VTI1A: variants seen among roughly 807,000 people sequenced by gnomAD.
VTI1A encodes vesicle transport through interaction with t-SNAREs 1A.
In VTI1A, 22 loss-of-function variants were observed where a neutral mutation model predicts 34.9. The ratio of observed to expected loss-of-function variants is 0.63; its 90% CI spans 0.45 to 0.90. The LOEUF (loss-of-function observed/expected upper bound fraction) is 0.90. Among genes scored for constraint, VTI1A ranks in the 40% least tolerant of loss-of-function variants. The pLI is 0.00. For synonymous variants in VTI1A, 87 were observed against 97.3 expected (o/e 0.89, Z 0.62); for missense variants, 268 against 275.6 (o/e 0.97, Z 0.20).
intron 5 of VTI1A, among the ~76,000 whole-genome samples, chr10:112,632,963 A>G (rs924299538): frequency 6.6e-6 from 1 of 152,230 alleles, no homozygotes; most frequent in South Asian, 2.1e-4. Context: ...TCCTGTATTT[A>G]TATTACAGCT....
chr10:112,737,066 TTTTTTC>T, intron 7 of VTI1A: 1 of 416,534 alleles, frequency 2.4e-6, no homozygotes, highest in Non-Finnish European at 4.3e-6. Flanking sequence ...TTTTTTCTTT[TTTTTTC>T]TTTTTCTTTT....
At chr10:112,720,744 C>T (rs1345177743) in intron 7 of VTI1A, among the ~76,000 whole-genome samples, 1 of 152,092 alleles carries the variant, frequency 6.6e-6, no homozygotes, top group Non-Finnish European at 1.5e-5. Flanking sequence ...GTTAGCGATA[C>T]GGATATTAGT....
intron 5 of VTI1A, among the ~76,000 whole-genome samples, chr10:112,661,136 A>G (rs1367315027): frequency 3.9e-5 from 6 of 151,972 alleles, no homozygotes; most frequent in Non-Finnish European, 5.9e-5. Flanking sequence ...ATGTGCCACC[A>G]CACACGGCTA....
rs112411523 is a variant in VTI1A, at chr10:112,577,655, A to G, written c.427+39325A>G. On this transcript the variant is annotated intron_variant, in intron 5 of 7. Coordinates refer to ENST00000393077, the MANE Select transcript of VTI1A (RefSeq NM_145206.4). ...TCTAATATGTTCTTATTAAAGGCAT[A>G]TGAATGACAGGGTGATATGATGAGG... Among the ~76,000 whole-genome samples the G allele has an allele frequency of 5.1e-4, 77 of 152,386 alleles. 1 individual carries two copies. Among genetic ancestry groups the G allele is most frequent in the African/African-American group, 1.7e-3 (72 of 41,596 alleles).
intron 1 of VTI1A, among the ~76,000 whole-genome samples, chr10:112,453,203 C>T (rs1847305272): frequency 6.6e-6 from 1 of 152,128 alleles, no homozygotes; most frequent in Non-Finnish European, 1.5e-5. Flanking sequence ...AGGAGGACCA[C>T]AGAAGTAAAG....
chr10:112,592,163 A>G (rs7090232), intron 5 of VTI1A, among the ~76,000 whole-genome samples: 3,166 of 152,330 alleles, frequency 0.021, 123 homozygotes, highest in African/African-American at 0.073. Flanking sequence ...GGAAATGGAT[A>G]CATCCCCACA....
At chr10:112,830,847 ATATTTT>A in the VTI1A span, among the ~76,000 whole-genome samples, 1 of 31,002 alleles carries the variant, frequency 3.2e-5, no homozygotes, top group African/African-American at 1.8e-4. Flanking sequence ...ATATATATAT[ATATTTT>A]TTTTTTTTTT....
At chr10:112,489,962 G>T (rs926911571) in intron 3 of VTI1A, among the ~76,000 whole-genome samples, 1 of 152,142 alleles carries the variant, frequency 6.6e-6, no homozygotes, top group East Asian at 1.9e-4. Context: ...TTGAGCTGTT[G>T]CTGAGCCACC....
At chr10:112,694,537 C>T (rs1008109806) in intron 7 of VTI1A, among the ~76,000 whole-genome samples, 1 of 151,932 alleles carries the variant, frequency 6.6e-6, no homozygotes, top group African/African-American at 2.4e-5. Context: ...ACTCTAATGT[C>T]TGGAAGCATG....
intron 7 of VTI1A, among the ~76,000 whole-genome samples, chr10:112,814,017 C>T (rs1026851369): frequency 2.0e-5 from 3 of 152,176 alleles, no homozygotes; most frequent in African/African-American, 7.2e-5. Context: ...TTCCATTCAA[C>T]CGTTTAGGTT....
At chr10:112,710,509 G>A (rs1181840295) in intron 7 of VTI1A, among the ~76,000 whole-genome samples, 1 of 152,142 alleles carries the variant, frequency 6.6e-6, no homozygotes, top group East Asian at 1.9e-4. Context: ...GCCCGGCTCA[G>A]TTAATGTCTC....
chr10:112,781,094 A>G (rs1232350309), intron 7 of VTI1A, among the ~76,000 whole-genome samples: 2 of 151,974 alleles, frequency 1.3e-5, no homozygotes, highest in Non-Finnish European at 2.9e-5. Flanking sequence ...ACAGGTGCAC[A>G]CCGCCATGGC....
At chr10:112,633,518 A>G (rs964704049) in intron 5 of VTI1A, among the ~76,000 whole-genome samples, 1 of 152,226 alleles carries the variant, frequency 6.6e-6, no homozygotes, top group Non-Finnish European at 1.5e-5. Flanking sequence ...GAAAAGAGAT[A>G]GCAGGCAAAA....
chr10:112,752,389 A>T, intron 7 of VTI1A: 1 of 985,392 alleles, frequency 1.0e-6, no homozygotes, highest in South Asian at 4.7e-5. Context: ...GACTAGTCTG[A>T]AGCAGAGCTG....
At chr10:112,612,588 A>T (rs965773879) in intron 5 of VTI1A, among the ~76,000 whole-genome samples, 5 of 152,050 alleles carry the variant, frequency 3.3e-5, no homozygotes, top group African/African-American at 9.7e-5. Flanking sequence ...CATCCAGCCA[A>T]TTTTTTGAAT....
chr10:112,652,870 G>C (rs1847091041), intron 5 of VTI1A, among the ~76,000 whole-genome samples: 1 of 152,192 alleles, frequency 6.6e-6, no homozygotes, highest in Non-Finnish European at 1.5e-5. Flanking sequence ...TTCTTTCGTT[G>C]AAGTAGTGTT....
intron 7 of VTI1A, among the ~76,000 whole-genome samples, chr10:112,736,109 G>A (rs34486819): frequency 0.095 from 11,026 of 116,406 alleles, 1,167 homozygotes; most frequent in African/African-American, 0.27. Flanking sequence ...ATATGTGTGT[G>A]TGTATATATA....
intron 7 of VTI1A, among the ~76,000 whole-genome samples, chr10:112,799,915 C>T (rs901622814): frequency 4.0e-5 from 6 of 151,494 alleles, no homozygotes; most frequent in African/African-American, 9.7e-5. Flanking sequence ...GAGCAGTGGC[C>T]CTGGAGCCCA....
intron 7 of VTI1A, among the ~76,000 whole-genome samples, chr10:112,768,747 T>C (rs961183960): frequency 1.3e-5 from 2 of 152,196 alleles, no homozygotes; most frequent in East Asian, 3.9e-4. Flanking sequence ...CAACACAGGC[T>C]GTGGTTTCCA....
Sources: gnomAD v4.1 joint callset for allele counts (sites outside exome capture counted in the v4.1 genomes callset) on GRCh38, gnomAD v4.1.1 for gene constraint, MANE v1.5 for transcripts, NCBI Gene and HGNC (gene_info 2026-07-23, HGNC 2026-07-21) for gene names.